Variants in PLXNB2 observed in about 807,000 individuals in gnomAD.
PLXNB2 encodes plexin B2, also known as plexin-B2.
PLXNB2 carries 85 observed loss-of-function variants against 202.6 expected under a neutral mutation model. That is an observed-to-expected ratio of 0.42 (90% CI 0.35 to 0.50). The LOEUF (loss-of-function observed/expected upper bound fraction) is 0.50, where lower values mean the gene tolerates loss of function less well. Among genes scored for constraint, PLXNB2 ranks in the 20% least tolerant of loss-of-function variants. The pLI is 0.02. For missense variants in PLXNB2, 2,063 were observed against 2,586.2 expected (o/e 0.80, Z 4.39); for synonymous variants, 1,239 against 1,137.6 (o/e 1.09, Z -1.79).
rs1569169738 is a variant in PLXNB2, at chr22:50,287,137, C to T, written c.1736G>A (p.Ser579Asn). 2.6e-6 allele frequency: 4 copies of T among 1,535,044 alleles called. No homozygotes were observed. The highest frequency in any genetic ancestry group is 4.1e-5 in the Admixed American group (2 of 48,998). The change falls in exon 8 of 37, where the codon AGC (serine) becomes AAC (asparagine). Residue 579 changes from serine to asparagine, a missense_variant. Coordinates refer to ENST00000359337, the MANE Select transcript of PLXNB2 (RefSeq NM_012401.4). ...CTGGCCTGGCGGTGTGACGGGGATG[C>T]TGCTTGGGGAGTTGCAGATGACGGC... ...GEAVICNSPS[S>N]IPVTPPGQDH... is the part of the protein sequence containing the mutation.
In PLXNB2 at chr22:50,284,905, C is replaced by CA. The variant is rs1178866354; in HGVS notation, c.2089-241dup. The CA allele has an allele frequency of 1.5e-6, 1 of 646,450 alleles. No homozygotes were observed. Among genetic ancestry groups the CA allele is most frequent in the South Asian group, 1.5e-5 (1 of 66,288 alleles). The allele number at this position is 646,450 out of a possible 1,614,324, so 40.0% of individuals were successfully genotyped here. ...GTTTCCCACGGCCACCTCCACCACT[C>CA]ATCCACACCTGAGAACATCGCCCGG... On this transcript the variant is annotated intron_variant, in intron 11 of 36. Coordinates refer to ENST00000359337, the MANE Select transcript of PLXNB2 (RefSeq NM_012401.4). This position sits in a 1 kb window ranked among gnomAD's most constrained non-coding sequence, Gnocchi z 8.0.
At chr22:50,276,048 AG>A in intron 35 of PLXNB2, 85 bp from the exon 36 acceptor site, 1 of 1,336,162 alleles carries the variant, frequency 7.5e-7, no homozygotes. Flanking sequence ...GCCCAGGACG[AG>A]GCCTCCCCGG....
chr22:50,299,062 G>A (rs1256844261), intron 1 of PLXNB2, among the ~76,000 whole-genome samples: 3 of 152,248 alleles, frequency 2.0e-5, no homozygotes, highest in Admixed American at 6.5e-5. Context: ...CTCTGGCACG[G>A]GAACCAGAGA....
At position 50,287,180 on chromosome 22, in the gene PLXNB2, C is replaced by A. The variant is rs750788711; in HGVS notation, c.1693G>T (p.Ala565Ser). Residue 565 changes from alanine to serine, a missense_variant, in exon 8 of 37, where the codon GCC becomes TCC. Physicochemically the swap from Ala to Ser is moderately conservative, Grantham distance 99 (BLOSUM62 1). Coordinates refer to ENST00000359337, the MANE Select transcript of PLXNB2 (RefSeq NM_012401.4). ...ATGACGGCCTCGCCCTCCACGCGGG[C>A]GGGGTGTGGCGGCGACTCCCCAAAA... ...CLFGESPPHP[A>S]RVEGEAVICN... is the part of the protein sequence containing the mutation. 1.3e-6 allele frequency: 2 copies of A among 1,547,822 alleles called. No homozygotes were observed. The highest frequency in any genetic ancestry group is 1.2e-5 in the South Asian group (1 of 83,830).
At position 50,278,260 on chromosome 22, in the gene PLXNB2, G is replaced by T. The variant is rs765707742; in HGVS notation, c.4744C>A (p.Leu1582Met). The T allele has an allele frequency of 6.2e-7, 1 of 1,610,936 alleles. No individual in the cohort carries two copies. Among genetic ancestry groups the T allele is most frequent in the South Asian group, 1.1e-5 (1 of 91,078 alleles). Reference sequence around the variant, plus strand: ...TGCCACACCCGGTTCTCCTCCTCCAGGAGGGCATGGCCTGTGGGGAGCGGG... The same window carrying T: ...TGCCACACCCGGTTCTCCTCCTCCATGAGGGCATGGCCTGTGGGGAGCGGG... The part of the protein sequence containing the change: ...QDLPGERHAL[L>M]EEENRVWHLV... Residue 1582 changes from leucine to methionine, a missense_variant, in exon 31 of 37, where the codon CTG (leucine) becomes ATG (methionine). Transcript: ENST00000359337.
chr22:50,289,404 C>T lies in PLXNB2; in HGVS notation c.1068+113G>A. Reference sequence around the variant, plus strand: ...CCACCCACGCAAGCGCCCAGGCTGGCGAGAGCCACGGCCACACTGCTCACG... The same window carrying T: ...CCACCCACGCAAGCGCCCAGGCTGGTGAGAGCCACGGCCACACTGCTCACG... On this transcript the variant is annotated intron_variant, in intron 3 of 36. Transcript: ENST00000359337. This position sits in a 1 kb window ranked among gnomAD's most constrained non-coding sequence, Gnocchi z 8.0. 7.4e-7 allele frequency: 1 copy of T among 1,353,208 alleles called. No homozygotes were observed. The highest frequency in any genetic ancestry group is 9.8e-7 in the Non-Finnish European group (1 of 1,018,876). 83.8% of individuals were successfully genotyped at this position (1,353,208 alleles called of 1,614,324 possible).
At position 50,278,686 on chromosome 22, in the gene PLXNB2, C is replaced by G. The variant is rs777518692; in HGVS notation, c.4557G>C (p.Pro1519=). 6 of 1,610,990 alleles carry G rather than the reference C, an allele frequency of 3.7e-6. No individual in the cohort carries two copies. The highest frequency in any genetic ancestry group is 5.1e-6 in the Non-Finnish European group (6 of 1,179,288). The change falls in exon 29 of 37, where the codon CCG becomes CCC. Residue 1519 remains proline (P), a synonymous_variant. Coordinates refer to ENST00000359337, the MANE Select transcript of PLXNB2 (RefSeq NM_012401.4). ...CCGACAGGATCTGCGCTGTGGAGCC[C>G]GGACGCCACTCTGTGGGAAGAGACA... ...RPDSVVLEWR[P]GSTAQILSDL...
chr22:50,287,975 G>T lies in PLXNB2; in HGVS notation c.1443C>A (p.Ser481=). The part of the protein sequence containing the change: ...SYPTCTQCRD[S]QDPYCGWCVV... Reference sequence around the variant, plus strand: ...CGCACCAGCCGCAGTAGGGGTCCTGGGAGTCGCGGCACTGGGTGCAGGTCG... The same window carrying T: ...CGCACCAGCCGCAGTAGGGGTCCTGTGAGTCGCGGCACTGGGTGCAGGTCG... Residue 481 remains serine, a synonymous_variant, in exon 6 of 37, where the codon TCC becomes TCA. Coordinates refer to ENST00000359337, the MANE Select transcript of PLXNB2 (RefSeq NM_012401.4). 6.3e-7 allele frequency: 1 copy of T among 1,585,246 alleles called. No homozygotes were observed. The highest frequency in any genetic ancestry group is 1.8e-5 in the Admixed American group (1 of 56,582).
rs149323706 is a variant in PLXNB2, at chr22:50,290,540, G to A, written c.45C>T (p.Gly15=). The A allele has an allele frequency of 8.1e-6, 13 of 1,611,304 alleles. No individual in the cohort carries two copies. The highest frequency in any genetic ancestry group is 1.8e-4 in the Middle Eastern group (1 of 5,582). The part of the protein sequence containing the change: ...LWALTLLGLL[G]AGASLRPRKL... ...TGCGGGGCCTCAGGCTGGCACCTGCGCCCAGCAGGCCCAGCAGGGTCAGGG... is the reference window on the plus strand; with the variant it reads ...TGCGGGGCCTCAGGCTGGCACCTGCACCCAGCAGGCCCAGCAGGGTCAGGG... Residue 15 remains glycine, a synonymous_variant, in exon 3 of 37, where the codon GGC becomes GGT. Transcript: ENST00000359337.
chr22:50,282,332 T>C lies in PLXNB2; in HGVS notation c.2988-19A>G, dbSNP rs2066054968. 6.3e-7 allele frequency: 1 copy of C among 1,576,638 alleles called. No individual in the cohort carries two copies. Among genetic ancestry groups the C allele is most frequent in the Non-Finnish European group, 8.6e-7 (1 of 1,160,348 alleles). ...GCCACCACTGCGGAGGGCAGTGCCT[T>C]CGTGGGCTCGGCTGGCAGGGGTGGT... On this transcript the variant is annotated intron_variant, in intron 18 of 36. Transcript: ENST00000359337.
In PLXNB2 at chr22:50,275,960, G is replaced by A. The variant is rs180698014; in HGVS notation, c.5341C>T (p.His1781Tyr). The A allele has an allele frequency of 2.5e-4, 404 of 1,612,544 alleles. 2 individuals carry two copies. Among genetic ancestry groups the A allele is most frequent in the South Asian group, 1.4e-3 (123 of 91,080 alleles). ...ACGAGGGTGTTCAAGGAGTCCGTGT[G>A]CGCCTGGGGGGTGACGGGACAGTCA... ...NTHLAEISRA[H>Y]TDSLNTLVAL... The change falls in exon 36 of 37, where the codon CAC (histidine) becomes TAC (tyrosine). Residue 1781 changes from histidine to tyrosine, a missense_variant. By Grantham distance (83) the His-to-Tyr change is moderately conservative (BLOSUM62 2). Coordinates refer to ENST00000359337, the MANE Select transcript of PLXNB2 (RefSeq NM_012401.4).
At chr22:50,287,611 G>A in intron 7 of PLXNB2, 56 bp downstream of exon 7, 1 of 1,472,600 alleles carries the variant, frequency 6.8e-7, no homozygotes, top group Non-Finnish European at 9.1e-7. Flanking sequence ...GCATGGGGGA[G>A]CCCCCACCTG....
Position 50,283,045 on chromosome 22 carries a change from C to A in PLXNB2, c.2816+5G>T. On this transcript the variant is annotated splice_donor_5th_base_variant and intron_variant, in intron 17 of 36. Transcript: ENST00000359337. Reference sequence around the variant, plus strand: ...CCAGACTCAGCAGCTGGCGGTGACACCCACACTTTACACGGGACGCCGTTG... The same window carrying A: ...CCAGACTCAGCAGCTGGCGGTGACAACCACACTTTACACGGGACGCCGTTG... 1 of 1,606,662 alleles carries A rather than the reference C, an allele frequency of 6.2e-7. No homozygotes were observed. The highest frequency in any genetic ancestry group is 8.5e-7 in the Non-Finnish European group (1 of 1,176,792).
Position 50,283,060 on chromosome 22 carries a change from G to A in PLXNB2, c.2806C>T (p.Pro936Ser). 3 of 1,610,386 alleles carry A rather than the reference G, an allele frequency of 1.9e-6. No homozygotes were observed. Among genetic ancestry groups the A allele is most frequent in the South Asian group, 2.2e-5 (2 of 90,592 alleles). The change falls in exon 17 of 37, where the codon CCG becomes TCG. Residue 936 changes from proline (P) to serine (S), a missense_variant. Transcript: ENST00000359337. ...GGCGGTGACACCCACACTTTACACG[G>A]GACGCCGTTGAGGGTCACCCGCACG... ...EDVRVTLNGV[P>S]CKVTKFGAQL...
Position 50,297,988 on chromosome 22 carries a change from C to T in PLXNB2, c.-73-3210G>A, listed in dbSNP as rs556189096. Among the ~76,000 whole-genome samples the T allele has an allele frequency of 3.3e-5, 5 of 152,176 alleles. No homozygotes were observed. Among genetic ancestry groups the T allele is most frequent in the African/African-American group, 4.8e-5 (2 of 41,440 alleles). On this transcript the variant is annotated intron_variant, in intron 1 of 36. Coordinates refer to ENST00000359337, the MANE Select transcript of PLXNB2 (RefSeq NM_012401.4). This position sits in a 1 kb window ranked among gnomAD's most constrained non-coding sequence, Gnocchi z 5.3. ...AAGCCCCTGCCCATCCTTTAGACCCCGAGACACCCTCCCTAACCCAGCCCC... is the reference window on the plus strand; with the variant it reads ...AAGCCCCTGCCCATCCTTTAGACCCTGAGACACCCTCCCTAACCCAGCCCC...
intron 2 of PLXNB2, among the ~76,000 whole-genome samples, chr22:50,293,170 C>A (rs2067007182): frequency 6.6e-6 from 1 of 152,232 alleles, no homozygotes; most frequent in Non-Finnish European, 1.5e-5. Context: ...AACCTCTGGG[C>A]ATGATCCTGG....
chr22:50,289,587 C>T lies in PLXNB2; in HGVS notation c.998G>A (p.Gly333Asp). The T allele has an allele frequency of 6.2e-7, 1 of 1,611,260 alleles. No homozygotes were observed. Among genetic ancestry groups the T allele is most frequent in the Non-Finnish European group, 8.5e-7 (1 of 1,179,902 alleles). The change falls in exon 3 of 37, where the codon GGC becomes GAC. Residue 333 changes from glycine (G) to aspartate (D), a missense_variant. By Grantham distance (94) the Gly-to-Asp change is moderately conservative (BLOSUM62 -1). Coordinates refer to ENST00000359337, the MANE Select transcript of PLXNB2 (RefSeq NM_012401.4). The surrounding 1 kb of genome is among the most constrained non-coding windows in gnomAD (Gnocchi z 8.0). ...GAAGATGTCACGGGCCTCCCGGGTG[C>T]CTGTGTAACAGGCGTTGCGGTTGGC... ...MEANRNACYT[G>D]TREARDIFYK... is the part of the protein sequence containing the mutation.
chr22:50,280,170 C>A, intron 25 of PLXNB2, 99 bp from the exon 26 acceptor site: 1 of 963,432 alleles, frequency 1.0e-6, no homozygotes, highest in Non-Finnish European at 1.5e-6. Flanking sequence ...CCAGCCTCGC[C>A]CCTGTCCAGC....
Position 50,280,468 on chromosome 22 carries a change from C to A in PLXNB2, c.4175+21G>T, listed in dbSNP as rs1280495818. ...CGGCCGCCCCGCCCGTGGCCCCGCTCGTGGCCCCGCCCATGTGCACCTGCG... is the reference window on the plus strand; with the variant it reads ...CGGCCGCCCCGCCCGTGGCCCCGCTAGTGGCCCCGCCCATGTGCACCTGCG... On this transcript the variant is annotated intron_variant, in intron 25 of 36. Coordinates refer to ENST00000359337, the MANE Select transcript of PLXNB2 (RefSeq NM_012401.4). The A allele has an allele frequency of 6.3e-6, 10 of 1,582,482 alleles. 1 individual carries two copies. In the South Asian group the frequency reaches 1.0e-4, roughly 16 times the overall value.
Sources: gnomAD v4.1 joint callset for allele counts (sites outside exome capture counted in the v4.1 genomes callset) on GRCh38, gnomAD v4.1.1 for gene constraint, Gnocchi (gnomAD v3.1) non-coding constraint, MANE v1.5 for transcripts, NCBI Gene and HGNC (gene_info 2026-07-23, HGNC 2026-07-21) for gene names.